FZD3: variants seen among roughly 807,000 people sequenced by gnomAD.
FZD3 encodes frizzled class receptor 3.
FZD3 carries 30 observed loss-of-function variants against 60.7 expected under a neutral mutation model. The observed-to-expected ratio is 0.49, with a 90% CI of 0.37 to 0.67. The LOEUF (loss-of-function observed/expected upper bound fraction) is 0.67. FZD3 is among the 30% of genes least tolerant of loss of function. The probability of loss-of-function intolerance (pLI) is 0.00; values close to 1 mark genes in which losing one functional copy is unlikely to be tolerated. For synonymous variants in FZD3, 246 were observed against 275.2 expected (o/e 0.89, Z 1.05); for missense variants, 605 against 838.7 (o/e 0.72, Z 3.44).
intron 5 of FZD3, among the ~76,000 whole-genome samples, chr8:28,549,062 T>A (rs994914375): frequency 3.3e-5 from 5 of 152,198 alleles, no homozygotes; most frequent in Admixed American, 6.5e-5. Context: ...AGGATGAAGG[T>A]GCTGGCAGGT....
chr8:28,530,396 G>T (rs1274460122), intron 5 of FZD3: 1 of 151,870 alleles, frequency 6.6e-6, no homozygotes, highest in Non-Finnish European at 1.5e-5. Flanking sequence ...TAAATACTTA[G>T]AAGTGTGGCT....
intron 5 of FZD3, among the ~76,000 whole-genome samples, chr8:28,536,126 T>C (rs1805005780): frequency 6.6e-6 from 1 of 152,244 alleles, no homozygotes; most frequent in South Asian, 2.1e-4. Context: ...ACTCCTGTTA[T>C]TACAAGTACA....
chr8:28,501,924 T>C (rs555554278), intron 2 of FZD3, among the ~76,000 whole-genome samples: 6 of 152,354 alleles, frequency 3.9e-5, no homozygotes, highest in Non-Finnish European at 5.9e-5. Flanking sequence ...GAAGATTTCC[T>C]AATATTTTAG....
chr8:28,556,088 T>G (rs1356300705), intron 7 of FZD3, 117 bp downstream of exon 7: 3 of 699,360 alleles, frequency 4.3e-6, no homozygotes, highest in Non-Finnish European at 7.3e-6. Context: ...CTTTGAACTT[T>G]GCTAGATAGA....
Position 28,570,877 on chromosome 8 carries a change from T to C in FZD3, c.*7866T>C, listed in dbSNP as rs1384820796. 1 of 151,876 alleles carries C rather than the reference T, an allele frequency of 6.6e-6. No homozygotes were observed. The highest frequency in any genetic ancestry group is 2.4e-5 in the African/African-American group (1 of 41,322). The allele number at this position is 151,876 out of a possible 1,614,324, so 9.4% of individuals were successfully genotyped here. A position where few individuals can be genotyped will look rare whatever the true frequency, so the allele number is the denominator to read the frequency against. On this transcript the variant is annotated 3_prime_UTR_variant, in exon 8 of 8. Transcript: ENST00000240093. ...AAGTTGATATAGGAAGGTATACTGG[T>C]TTCTGGTGTGATTCTTTAGCTACAT...
chr8:28,539,896 C>T (rs761137099), intron 5 of FZD3, among the ~76,000 whole-genome samples: 2 of 151,672 alleles, frequency 1.3e-5, no homozygotes, highest in African/African-American at 2.4e-5. Flanking sequence ...CAGGGTATTT[C>T]ACCCTTAGCA....
Position 28,573,128 on chromosome 8 carries a change from C to T in FZD3, c.*10117C>T, listed in dbSNP as rs1056625775. On this transcript the variant is annotated 3_prime_UTR_variant, in exon 8 of 8. Coordinates refer to ENST00000240093, the MANE Select transcript of FZD3 (RefSeq NM_017412.4). Reference sequence around the variant, plus strand: ...TGATACCCTCTTCATGTGACCTATTCCTCAAATGCTGCATTCTCCAAAACT... The same window carrying T: ...TGATACCCTCTTCATGTGACCTATTTCTCAAATGCTGCATTCTCCAAAACT... 1.9e-4 allele frequency: 29 copies of T among 152,066 alleles called. No homozygotes were observed. The highest frequency in any genetic ancestry group is 5.3e-4 in the African/African-American group (22 of 41,386). The allele number at this position is 152,066 out of a possible 1,614,324, so 9.4% of individuals were successfully genotyped here. A position where few individuals can be genotyped will look rare whatever the true frequency, so the allele number is the denominator to read the frequency against.
chr8:28,556,731 G>A (rs1805515821), intron 7 of FZD3, among the ~76,000 whole-genome samples: 1 of 150,852 alleles, frequency 6.6e-6, no homozygotes, highest in African/African-American at 2.4e-5. Context: ...AGAAATAACT[G>A]CATTCCCATA....
At chr8:28,559,092 C>T (rs139663290) in intron 7 of FZD3, among the ~76,000 whole-genome samples, 1 of 152,186 alleles carries the variant, frequency 6.6e-6, no homozygotes, top group African/African-American at 2.4e-5. Flanking sequence ...GGTGAATGAA[C>T]AGTAAAAGAT....
chr8:28,551,578 G>C (rs753849136), intron 5 of FZD3, 25 bp from the exon 6 acceptor site: 1 of 1,526,934 alleles, frequency 6.5e-7, no homozygotes, highest in Non-Finnish European at 9.0e-7. Flanking sequence ...ATATATTTAA[G>C]ATGCTTTTCT....
At chr8:28,522,099 C>G (rs1804595415) in intron 4 of FZD3, among the ~76,000 whole-genome samples, 1 of 148,922 alleles carries the variant, frequency 6.7e-6, no homozygotes, top group South Asian at 2.1e-4. Context: ...TTTCTTTTCT[C>G]TTCTCTTTTT....
chr8:28,516,105 G>A (rs1804419362), intron 3 of FZD3, among the ~76,000 whole-genome samples: 1 of 152,106 alleles, frequency 6.6e-6, no homozygotes, highest in Non-Finnish European at 1.5e-5. Context: ...AGAGTCTAAC[G>A]TTATGCTTTT....
chr8:28,536,570 G>C (rs568077688), intron 5 of FZD3, among the ~76,000 whole-genome samples: 2 of 152,220 alleles, frequency 1.3e-5, no homozygotes, highest in East Asian at 3.9e-4. Context: ...TAGCCGGGCT[G>C]TGGTGGCACA....
At chr8:28,542,148 A>C (rs1585988714) in intron 5 of FZD3, among the ~76,000 whole-genome samples, 1 of 131,750 alleles carries the variant, frequency 7.6e-6, no homozygotes, top group East Asian at 2.3e-4. Flanking sequence ...CTGGACCCCT[A>C]CCTCCTTCTT....
intron 7 of FZD3, among the ~76,000 whole-genome samples, chr8:28,561,899 A>G (rs1805620039): frequency 6.6e-6 from 1 of 152,212 alleles, no homozygotes. Flanking sequence ...TATAAAAGTC[A>G]TAATTGATTT....
At chr8:28,536,697 A>T (rs1425311886) in intron 5 of FZD3, among the ~76,000 whole-genome samples, 1 of 152,022 alleles carries the variant, frequency 6.6e-6, no homozygotes, top group African/African-American at 2.4e-5. Flanking sequence ...CGACAGGGAG[A>T]CCCTGTCTCA....
At chr8:28,496,281 ACT>A (rs754658951) in intron 1 of FZD3, among the ~76,000 whole-genome samples, 12 of 151,798 alleles carry the variant, frequency 7.9e-5, no homozygotes, top group Non-Finnish European at 1.5e-4. Context: ...TGATAGTGAA[ACT>A]CTAAGATTTT....
chr8:28,572,532 A>G lies in FZD3; in HGVS notation c.*9521A>G, dbSNP rs559862205. The G allele has an allele frequency of 3.3e-5, 5 of 152,340 alleles. No individual in the cohort carries two copies. The South Asian group carries it at 6.2e-4, about 19-fold the overall frequency. The allele number at this position is 152,340 out of a possible 1,614,324, so 9.4% of individuals were successfully genotyped here. ...TACCTTTTGGAAGTATATATGTTAC[A>G]TAAGACTTTCACTAAATCTGTGCGT... On this transcript the variant is annotated 3_prime_UTR_variant, in exon 8 of 8. Coordinates refer to ENST00000240093, the MANE Select transcript of FZD3 (RefSeq NM_017412.4).
chr8:28,512,158 C>CA (rs1482802763), intron 3 of FZD3, among the ~76,000 whole-genome samples: 7 of 151,968 alleles, frequency 4.6e-5, no homozygotes, highest in African/African-American at 1.7e-4. Context: ...GACAGAGTGT[C>CA]AAAGTGACTT....
Sources: gnomAD v4.1 joint callset for allele counts (sites outside exome capture counted in the v4.1 genomes callset) on GRCh38, gnomAD v4.1.1 for gene constraint, MANE v1.5 for transcripts, NCBI Gene and HGNC (gene_info 2026-07-23, HGNC 2026-07-21) for gene names.